The following PWWP2B variants were observed in gnomAD, a reference collection of about 807,000 sequenced individuals.
PWWP2B encodes the protein PWWP domain containing 2B.
Under a neutral mutation model 15.5 loss-of-function variants are expected in PWWP2B, and 9 were observed. That is an observed-to-expected ratio of 0.58 (90% confidence interval 0.35 to 1.02). The LOEUF is 1.02. Among genes scored for constraint, PWWP2B ranks in the 50% least tolerant of loss-of-function variants. PWWP2B has a pLI of 0.02. For synonymous variants in PWWP2B, 474 were observed against 403.6 expected (o/e 1.17, Z -2.09); for missense variants, 864 against 865.3 (o/e 1.00, Z 0.02).
At position 132,417,105 on chromosome 10, in the gene PWWP2B, C is replaced by A; in HGVS notation, c.*61C>A. ...CACCTGCTGTCCTGGAGCTTCCGAT[C>A]TCTGTTCGGGGACCCTGTGAGCCTT... is the stretch of plus-strand genomic sequence containing the variant. On this transcript the variant is annotated 3_prime_UTR_variant, in exon 3 of 3. Coordinates refer to ENST00000305233, the MANE Select transcript of PWWP2B (RefSeq NM_138499.4). 3 of 1,613,518 alleles carry A rather than the reference C, an allele frequency of 1.9e-6. No individual in the cohort carries two copies. The highest frequency in any genetic ancestry group is 8.5e-7 in the Non-Finnish European group (1 of 1,179,540).
At chr10:132,401,790 CTG>C (rs1181060155) in intron 1 of PWWP2B, among the ~76,000 whole-genome samples, 3 of 152,268 alleles carry the variant, frequency 2.0e-5, no homozygotes, top group African/African-American at 7.2e-5. Context: ...AATGGGAAGA[CTG>C]TGATCTGTAT....
chr10:132,416,536 C>T (rs2069858567), intron 2 of PWWP2B, among the ~76,000 whole-genome samples: 1 of 152,136 alleles, frequency 6.6e-6, no homozygotes, highest in Non-Finnish European at 1.5e-5. Context: ...ACCTGGGGCT[C>T]CGCACAGATC....
rs964114350 is a variant in PWWP2B at position 132,417,293 on chromosome 10, C to T, written c.*249C>T. On this transcript the variant is annotated 3_prime_UTR_variant, in exon 3 of 3. Coordinates refer to ENST00000305233, the MANE Select transcript of PWWP2B (RefSeq NM_138499.4). Reference sequence around the variant, plus strand: ...CTCAGCGCATGGCTGCCCTGGCTCACGAGGCAGTCGGGACTCGTGACTTGC... The same window carrying T: ...CTCAGCGCATGGCTGCCCTGGCTCATGAGGCAGTCGGGACTCGTGACTTGC... 1.0e-4 allele frequency: 58 copies of T among 570,258 alleles called. No individual in the cohort carries two copies. The East Asian group carries it at 1.4e-3, about 13-fold the overall frequency. The allele number at this position is 570,258 out of a possible 1,614,324, so 35.3% of individuals were successfully genotyped here.
chr10:132,405,419 T>C lies in PWWP2B; in HGVS notation c.919T>C (p.Cys307Arg), dbSNP rs752580853. Residue 307 changes from cysteine (C) to arginine (R), a missense_variant, in exon 2 of 3, where the codon TGC (cysteine) becomes CGC (arginine). By Grantham distance (180) the Cys-to-Arg change is radical. Around this residue, in one of 2 missense-constraint regions of PWWP2B, gnomAD observed 736 missense variants for 687.7 expected, o/e 1.07. Transcript: ENST00000305233. ...LDRESRDRPS[C>R]APSASIPKLK... is the part of the protein sequence containing the mutation. ...CAGAGAGTCCCGGGACCGGCCGTCC[T>C]GCGCGCCCTCGGCCTCCATCCCCAA... The C allele has an allele frequency of 2.5e-6, 4 of 1,610,772 alleles. No individual in the cohort carries two copies. In the South Asian group the frequency reaches 3.3e-5, roughly 13 times the overall value.
chr10:132,406,924 G>A (rs1020539753), intron 2 of PWWP2B, among the ~76,000 whole-genome samples: 11 of 152,166 alleles, frequency 7.2e-5, no homozygotes, highest in South Asian at 6.2e-4. Flanking sequence ...CCAGGCGCCC[G>A]GGACCTGGGA....
At chr10:132,409,628 A>ACCCCCCCCCCCCC (rs1564876603) in intron 2 of PWWP2B, among the ~76,000 whole-genome samples, 1 of 143,608 alleles carries the variant, frequency 7.0e-6, no homozygotes, top group African/African-American at 2.7e-5. Context: ...TCTCTCCCTC[A>ACCCCCCCCCCCCC]CCACCCACCC....
intron 2 of PWWP2B, among the ~76,000 whole-genome samples, chr10:132,415,337 CAT>C (rs758050969): frequency 1.0e-3 from 156 of 150,518 alleles, no homozygotes; most frequent in Non-Finnish European, 1.8e-3. Flanking sequence ...CCCCCACACA[CAT>C]ATCCACTCAC....
intron 1 of PWWP2B, among the ~76,000 whole-genome samples, chr10:132,402,547 G>A (rs1206977011): frequency 6.6e-6 from 1 of 152,280 alleles, no homozygotes; most frequent in Non-Finnish European, 1.5e-5. Context: ...GCATGCACAT[G>A]GACGTGCTTC....
In PWWP2B at chr10:132,417,192, G is replaced by A; in HGVS notation, c.*148G>A. The A allele has an allele frequency of 8.3e-7, 1 of 1,201,926 alleles. No homozygotes were observed. Among genetic ancestry groups the A allele is most frequent in the Non-Finnish European group, 1.2e-6 (1 of 813,036 alleles). The allele number at this position is 1,201,926 out of a possible 1,614,324, so 74.5% of individuals were successfully genotyped here. A position where few individuals can be genotyped will look rare whatever the true frequency, so the allele number is the denominator to read the frequency against. ...GTCGGCCTGGTGTGAGGCCCCCCGGGGACCGGCAGTGTGTCCAGGGAGGGG... is the reference window on the plus strand; with the variant it reads ...GTCGGCCTGGTGTGAGGCCCCCCGGAGACCGGCAGTGTGTCCAGGGAGGGG... On this transcript the variant is annotated 3_prime_UTR_variant, in exon 3 of 3. Coordinates refer to ENST00000305233, the MANE Select transcript of PWWP2B (RefSeq NM_138499.4).
intron 2 of PWWP2B, among the ~76,000 whole-genome samples, chr10:132,412,933 G>A (rs923826827): frequency 2.0e-5 from 3 of 152,242 alleles, no homozygotes; most frequent in South Asian, 2.1e-4. Context: ...ATGCTCAGAC[G>A]GTGCCATCTT....
chr10:132,403,697 C>T (rs2069641731), intron 1 of PWWP2B, among the ~76,000 whole-genome samples: 1 of 152,234 alleles, frequency 6.6e-6, no homozygotes, highest in South Asian at 2.1e-4. Flanking sequence ...GCTGCCCGGC[C>T]CAGCGAGTCC....
intron 2 of PWWP2B, among the ~76,000 whole-genome samples, chr10:132,412,128 G>A (rs960933795): frequency 3.9e-5 from 6 of 152,262 alleles, no homozygotes; most frequent in African/African-American, 1.4e-4. Flanking sequence ...GGTGGGGCAG[G>A]CGGGCAGGTG....
intron 2 of PWWP2B, among the ~76,000 whole-genome samples, chr10:132,416,670 G>A (rs946476203): frequency 4.6e-5 from 7 of 152,148 alleles, no homozygotes; most frequent in Admixed American, 4.6e-4. Context: ...CCACGGGGCC[G>A]TCAGTGCGAG....
rs1188638287 is a variant in PWWP2B, at chr10:132,410,125, G to GTGTCCC, written c.*16+3836_*16+3837insTGTCCC. On this transcript the variant is annotated intron_variant, in intron 2 of 2. Transcript: ENST00000305233. The stretch of plus-strand genomic sequence containing the variant: ...TTACAAATAAAAGCAGTGACCTCCA[G>GTGTCCC]CTGTGAGGACAGGGAGAGTGACGGG... Among the ~76,000 whole-genome samples the GTGTCCC allele has an allele frequency of 9.0e-3, 1,378 of 152,354 alleles. 23 individuals are homozygous for GTGTCCC. The highest frequency in any genetic ancestry group is 0.032 in the African/African-American group (1,313 of 41,576).
At chr10:132,398,582 A>G (rs564096353) in intron 1 of PWWP2B, among the ~76,000 whole-genome samples, 1 of 152,294 alleles carries the variant, frequency 6.6e-6, no homozygotes, top group East Asian at 1.9e-4. Context: ...GGGTTGCCCC[A>G]TTTCCCAGGT....
intron 2 of PWWP2B, among the ~76,000 whole-genome samples, chr10:132,413,945 T>C (rs1564878079): frequency 6.6e-6 from 1 of 152,126 alleles, no homozygotes; most frequent in Non-Finnish European, 1.5e-5. Flanking sequence ...TCCGACCCCG[T>C]GTCCCGGTGG....
intron 1 of PWWP2B, among the ~76,000 whole-genome samples, chr10:132,398,651 C>G (rs141510496): frequency 6.6e-6 from 1 of 152,386 alleles, no homozygotes; most frequent in Non-Finnish European, 1.5e-5. Flanking sequence ...GCTCTCCTCC[C>G]TGAGGCCCAT....
chr10:132,403,069 G>A (rs1036402918), intron 1 of PWWP2B, among the ~76,000 whole-genome samples: 9 of 152,254 alleles, frequency 5.9e-5, no homozygotes, highest in Admixed American at 2.6e-4. Context: ...GGCTGCTGCA[G>A]GGCTCAGTGA....
rs2069677456 is a variant in PWWP2B at position 132,405,211 on chromosome 10, CGAG to C, written c.717_719del (p.Glu239del). 2 of 1,589,880 alleles carry C rather than the reference CGAG, an allele frequency of 1.3e-6. No individual in the cohort carries two copies. The highest frequency in any genetic ancestry group is 1.7e-6 in the Non-Finnish European group (2 of 1,169,554). On this transcript the variant is annotated inframe_deletion, in exon 2 of 3. Transcript: ENST00000305233. ...CCAGGAGGAGCAAGAGGGAGAGGCG[CGAG>C]GAGGACAGGGCCCCGGCAGAGCAGG...
Sources: allele counts gnomAD v4.1 joint callset (sites outside exome capture counted in the v4.1 genomes callset), GRCh38; gene constraint gnomAD v4.1.1; regional missense constraint gnomAD v4.1.1; transcripts MANE v1.5; gene names NCBI Gene and HGNC (gene_info 2026-07-23, HGNC 2026-07-21).